Variants in TAS1R1 observed in about 807,000 individuals in gnomAD.
TAS1R1 encodes the protein taste receptor type 1 member 1.
Under a neutral mutation model 45.8 loss-of-function variants are expected in TAS1R1, and 31 were observed. That is an observed-to-expected ratio of 0.68 (90% CI 0.51 to 0.91). TAS1R1 has a LOEUF of 0.91. TAS1R1 is among the 40% of genes least tolerant of loss of function. The pLI is 0.00. For synonymous variants in TAS1R1, 437 were observed against 448.4 expected (o/e 0.97, Z 0.32); for missense variants, 1,051 against 1,063.9 (o/e 0.99, Z 0.17).
chr1:6,568,371 C>A (rs575667941), intron 1 of TAS1R1, among the ~76,000 whole-genome samples: 1 of 151,010 alleles, frequency 6.6e-6, no homozygotes, highest in African/African-American at 2.4e-5. Context: ...AGGAGAATGG[C>A]GTGAACCCGG....
intron 5 of TAS1R1, 128 bp downstream of exon 5, chr1:6,577,198 C>T: frequency 7.1e-7 from 1 of 1,403,390 alleles, no homozygotes; most frequent in Non-Finnish European, 9.6e-7. Context: ...TGCCAGTTAG[C>T]TTCAGGTTGG....
chr1:6,556,691 C>A (rs1011650495), intron 1 of TAS1R1, among the ~76,000 whole-genome samples: 1 of 151,998 alleles, frequency 6.6e-6, no homozygotes, highest in African/African-American at 2.4e-5. Context: ...CTTGAGCCAC[C>A]GCGCCCGGCC....
At chr1:6,571,373 T>C (rs1640011773) in intron 2 of TAS1R1, among the ~76,000 whole-genome samples, 158 bp downstream of exon 2, 1 of 152,210 alleles carries the variant, frequency 6.6e-6, no homozygotes, top group African/African-American at 2.4e-5. Flanking sequence ...CTGCCCAGCG[T>C]GGTTCCTGCC....
intron 1 of TAS1R1, among the ~76,000 whole-genome samples, chr1:6,560,281 G>A (rs926820674): frequency 1.3e-5 from 2 of 152,186 alleles, no homozygotes; most frequent in African/African-American, 4.8e-5. Flanking sequence ...TGGGCAACAA[G>A]AGCGAAACTC....
chr1:6,562,477 G>T (rs1357987102), intron 1 of TAS1R1, among the ~76,000 whole-genome samples: 1 of 152,122 alleles, frequency 6.6e-6, no homozygotes, highest in Non-Finnish European at 1.5e-5. Context: ...CAGGCCACGG[G>T]GGTTTTAGAC....
chr1:6,576,324 A>G lies in TAS1R1; in HGVS notation c.1261-91A>G, dbSNP rs1640170743. ...TTCCTGATGGGCTGAAACCACCAGG[A>G]CGGAAACCCAGGAAGGCCCCAGGCC... is the stretch of plus-strand genomic sequence containing the variant. On this transcript the variant is annotated intron_variant, in intron 3 of 5. Coordinates refer to ENST00000333172, the MANE Select transcript of TAS1R1 (RefSeq NM_138697.4). 20 of 1,271,666 alleles carry G rather than the reference A, an allele frequency of 1.6e-5. 1 individual carries two copies. The South Asian group carries it at 2.6e-4, about 16-fold the overall frequency. 78.8% of individuals were successfully genotyped at this position (1,271,666 alleles called of 1,614,324 possible).
chr1:6,578,866 G>A lies in TAS1R1; in HGVS notation c.1808G>A (p.Arg603His), dbSNP rs79957690. The stretch of plus-strand genomic sequence containing the variant: ...CCTGTGGTGAGGTCAGCAGGGGGCC[G>A]CCTGTGCTTTCTTATGCTGGGCTCC... ...DTPVVRSAGG[R>H]LCFLMLGSLA... Residue 603 changes from arginine to histidine, a missense_variant, in exon 6 of 6, where the codon CGC becomes CAC. Coordinates refer to ENST00000333172, the MANE Select transcript of TAS1R1 (RefSeq NM_138697.4). 3,690 of 1,608,596 alleles carry A rather than the reference G, an allele frequency of 2.3e-3. 58 individuals carry two copies. In the African/African-American group the frequency reaches 0.04, roughly 17 times the overall value.
At position 6,579,529 on chromosome 1, in the gene TAS1R1, C is replaced by T. The variant is rs1284657977; in HGVS notation, c.2471C>T (p.Thr824Ile). Residue 824 changes from threonine to isoleucine, a missense_variant, in exon 6 of 6, where the codon ACA becomes ATA. Thr to Ile is a moderately conservative substitution (Grantham distance 89, BLOSUM62 -1). Coordinates refer to ENST00000333172, the MANE Select transcript of TAS1R1 (RefSeq NM_138697.4). The stretch of plus-strand genomic sequence containing the variant: ...CTCTGCCGCCCAGACCTCAACAGCA[C>T]AGAGCACTTCCAGGCCTCCATTCAG... Reference protein sequence around the residue: ...VILCRPDLNSTEHFQASIQDY... With the variant: ...VILCRPDLNSIEHFQASIQDY... The T allele has an allele frequency of 6.2e-7, 1 of 1,613,264 alleles. No individual in the cohort carries two copies. Among genetic ancestry groups the T allele is most frequent in the Admixed American group, 1.7e-5 (1 of 60,030 alleles).
rs1640262647 is a variant in TAS1R1, at chr1:6,578,705, C to G, written c.1647C>G (p.Ser549Arg). The change falls in exon 6 of 6, where the codon AGC becomes AGG. Residue 549 changes from serine to arginine, a missense_variant. Ser to Arg is a moderately radical substitution (Grantham distance 110). Transcript: ENST00000333172. ...AAGAAGAGTGGGCACCTGAGGGAAGCCAGACCTGCTTCCCGCGCACTGTGG... is the reference window on the plus strand; with the variant it reads ...AAGAAGAGTGGGCACCTGAGGGAAGGCAGACCTGCTTCCCGCGCACTGTGG... ...CGKEEWAPEG[S>R]QTCFPRTVVF... is the part of the protein sequence containing the mutation. The G allele has an allele frequency of 6.2e-7, 1 of 1,606,612 alleles. No individual in the cohort carries two copies. The highest frequency in any genetic ancestry group is 1.1e-5 in the South Asian group (1 of 90,174).
intron 1 of TAS1R1, among the ~76,000 whole-genome samples, chr1:6,563,185 G>A (rs779880610): frequency 2.0e-5 from 3 of 152,184 alleles, no homozygotes; most frequent in Admixed American, 6.5e-5. Context: ...AAGTGGATGA[G>A]TTGTTTAAAT....
Position 6,574,831 on chromosome 1 carries a change from T to C in TAS1R1, c.699T>C (p.Thr233=). ...TGCAGGCACTGGAGAACCAGGCCACTGGTCAGGGGATCTGCATTGCTTTCA... is the reference window on the plus strand; with the variant it reads ...TGCAGGCACTGGAGAACCAGGCCACCGGTCAGGGGATCTGCATTGCTTTCA... The part of the protein sequence containing the change: ...LGVQALENQA[T]GQGICIAFKD... The change falls in exon 3 of 6, where the codon ACT becomes ACC. Residue 233 remains threonine (T), a synonymous_variant. Coordinates refer to ENST00000333172, the MANE Select transcript of TAS1R1 (RefSeq NM_138697.4). The surrounding 1 kb of genome is among the most constrained non-coding windows in gnomAD (Gnocchi z 4.3). The C allele has an allele frequency of 6.2e-7, 1 of 1,614,262 alleles. No homozygotes were observed. Among genetic ancestry groups the C allele is most frequent in the Non-Finnish European group, 8.5e-7 (1 of 1,180,052 alleles).
At chr1:6,577,849 A>T (rs138271845) in intron 5 of TAS1R1, among the ~76,000 whole-genome samples, 14 of 152,248 alleles carry the variant, frequency 9.2e-5, no homozygotes, top group Non-Finnish European at 1.8e-4. Flanking sequence ...AAAGAAAGAA[A>T]GAATTAGCCA....
In TAS1R1 at chr1:6,558,894, C is replaced by CTTTTTTTTTT. The variant is rs780826392; in HGVS notation, c.191+3336_191+3345dup. On this transcript the variant is annotated intron_variant, in intron 1 of 5. Coordinates refer to ENST00000333172, the MANE Select transcript of TAS1R1 (RefSeq NM_138697.4). Reference sequence around the variant, plus strand: ...CCAGCATGCCCGGCTAATTTTTGTACTTTTTTTTTTTTTTTGAGATGGAGT... The same window carrying CTTTTTTTTTT: ...CCAGCATGCCCGGCTAATTTTTGTACTTTTTTTTTTTTTTTTTTTTTTTTTGAGATGGAGT... Among the ~76,000 whole-genome samples the CTTTTTTTTTT allele has an allele frequency of 4.0e-3, 566 of 139,936 alleles. 2 individuals carry two copies. The highest frequency in any genetic ancestry group is 0.014 in the African/African-American group (526 of 38,138). The allele number at this position is 139,936 out of a possible 152,430, so 91.8% of individuals were successfully genotyped here. A position where few individuals can be genotyped will look rare whatever the true frequency, so the allele number is the denominator to read the frequency against.
intron 5 of TAS1R1, 130 bp from the exon 6 acceptor site, chr1:6,578,523 C>A: frequency 6.9e-7 from 1 of 1,455,952 alleles, no homozygotes. Flanking sequence ...CTCCCGGCTA[C>A]CCCCATCCCA....
At chr1:6,570,759 C>A in intron 1 of TAS1R1, 150 bp from the exon 2 acceptor site, 1 of 625,686 alleles carries the variant, frequency 1.6e-6, no homozygotes, top group African/African-American at 1.8e-5. Flanking sequence ...TCCTACTGAG[C>A]TTGAGAGCCC....
intron 1 of TAS1R1, among the ~76,000 whole-genome samples, chr1:6,570,444 C>CA (rs35825229): frequency 0.5 from 49,589 of 98,242 alleles, 10,456 homozygotes; most frequent in East Asian, 0.67. Flanking sequence ...TAACACATCT[C>CA]AAAAAAAAAA....
intron 4 of TAS1R1, 121 bp from the exon 5 acceptor site, chr1:6,576,829 C>T: frequency 6.5e-7 from 1 of 1,530,418 alleles, no homozygotes; most frequent in South Asian, 1.2e-5. Flanking sequence ...TTCACACGAC[C>T]AGGGGCCCTG....
At chr1:6,577,404 G>A (rs373672757) in intron 5 of TAS1R1, among the ~76,000 whole-genome samples, 5 of 151,624 alleles carry the variant, frequency 3.3e-5, no homozygotes, top group South Asian at 2.1e-4. Flanking sequence ...GTGTGGTGGC[G>A]CGTGCCTGTA....
intron 2 of TAS1R1, among the ~76,000 whole-genome samples, chr1:6,571,564 T>C (rs959889205): frequency 3.3e-5 from 5 of 152,220 alleles, no homozygotes; most frequent in African/African-American, 1.2e-4. Context: ...GCGCTGTGGC[T>C]CATGCCTGTA....
Sources: allele counts gnomAD v4.1 joint callset (sites outside exome capture counted in the v4.1 genomes callset), GRCh38; gene constraint gnomAD v4.1.1; non-coding constraint Gnocchi (gnomAD v3.1); transcripts MANE v1.5; gene names NCBI Gene and HGNC (gene_info 2026-07-23, HGNC 2026-07-21).